KCNIP4: variants seen among roughly 807,000 people sequenced by gnomAD.
KCNIP4 encodes potassium voltage-gated channel interacting protein 4, also known as Kv channel-interacting protein 4.
KCNIP4 carries 12 observed loss-of-function variants against 34.0 expected under a neutral mutation model. The ratio of observed to expected loss-of-function variants is 0.35; its 90% CI spans 0.23 to 0.57. KCNIP4 has a LOEUF of 0.57. Ranked by LOEUF, KCNIP4 falls within the 20% of genes least tolerant of loss-of-function variation. The pLI is 0.83. For synonymous variants in KCNIP4, 124 were observed against 102.2 expected, an observed-to-expected ratio of 1.21 and a Z score of -1.29; for missense variants, 238 against 311.7, an observed-to-expected ratio of 0.76 and a Z score of 1.78.
chr4:21,312,437 G>T (rs1359326981), intron 1 of KCNIP4, among the ~76,000 whole-genome samples: 1 of 152,020 alleles, frequency 6.6e-6, no homozygotes, highest in African/African-American at 2.4e-5. Context: ...GACTTCTCTG[G>T]ACCACACTGT....
chr4:21,209,161 T>G (rs1757055656), intron 1 of KCNIP4, among the ~76,000 whole-genome samples: 1 of 152,208 alleles, frequency 6.6e-6, no homozygotes, highest in Admixed American at 6.5e-5. Flanking sequence ...TACATATTTA[T>G]AGGGTACATA....
intron 1 of KCNIP4, among the ~76,000 whole-genome samples, chr4:21,090,526 A>G (rs1299189619): frequency 1.3e-5 from 2 of 152,234 alleles, no homozygotes; most frequent in Admixed American, 1.3e-4. Context: ...GACTGTTTAA[A>G]AACAATTCAC....
chr4:21,370,556 AAAG>A (rs1342629598), intron 1 of KCNIP4, among the ~76,000 whole-genome samples: 1 of 144,360 alleles, frequency 6.9e-6, no homozygotes, highest in Admixed American at 6.7e-5. Flanking sequence ...TGAGAAAAAA[AAAG>A]AAGCAGAGAA....
At chr4:21,578,841 C>T (rs1389743379) in intron 1 of KCNIP4, among the ~76,000 whole-genome samples, 1 of 152,174 alleles carries the variant, frequency 6.6e-6, no homozygotes, top group African/African-American at 2.4e-5. Flanking sequence ...CAGGGGCAGT[C>T]CTTCTCTGTG....
intron 1 of KCNIP4, among the ~76,000 whole-genome samples, chr4:20,911,698 T>G (rs1346587352): frequency 6.6e-6 from 1 of 152,208 alleles, no homozygotes; most frequent in Non-Finnish European, 1.5e-5. Context: ...CTGTTATAAA[T>G]AAGTCAGTGT....
At chr4:21,363,740 T>C (rs569386754) in intron 1 of KCNIP4, among the ~76,000 whole-genome samples, 4 of 152,294 alleles carry the variant, frequency 2.6e-5, no homozygotes, top group Middle Eastern at 3.4e-3. Flanking sequence ...CAAAGCTTGA[T>C]ATCATTCCTG....
intron 1 of KCNIP4, among the ~76,000 whole-genome samples, chr4:21,516,513 G>C (rs559781440): frequency 6.6e-6 from 1 of 152,088 alleles, no homozygotes; most frequent in South Asian, 2.1e-4. Context: ...AAACTAAATT[G>C]GTTGTTGACA....
chr4:21,385,412 A>G (rs1359990683), intron 1 of KCNIP4, among the ~76,000 whole-genome samples: 1 of 152,150 alleles, frequency 6.6e-6, no homozygotes, highest in Non-Finnish European at 1.5e-5. Flanking sequence ...TACAAAGATG[A>G]AGAGTATATA....
intron 1 of KCNIP4, among the ~76,000 whole-genome samples, chr4:21,097,665 A>T (rs938725654): frequency 1.3e-5 from 2 of 152,090 alleles, no homozygotes; most frequent in Non-Finnish European, 2.9e-5. Context: ...CTTAATAATA[A>T]ATGTGTGTGT....
At chr4:21,830,781 A>G (rs1364095648) in intron 1 of KCNIP4, among the ~76,000 whole-genome samples, 1 of 152,152 alleles carries the variant, frequency 6.6e-6, no homozygotes, top group Non-Finnish European at 1.5e-5. Context: ...AAACATCCAA[A>G]TTAAAGTATA....
chr4:21,762,429 G>A (rs1718121653), intron 1 of KCNIP4, among the ~76,000 whole-genome samples: 1 of 151,968 alleles, frequency 6.6e-6, no homozygotes. Flanking sequence ...TTCTCATTAT[G>A]TTTTTCCCAT....
intron 1 of KCNIP4, among the ~76,000 whole-genome samples, chr4:21,213,363 G>A (rs1217387117): frequency 1.3e-5 from 2 of 152,004 alleles, no homozygotes; most frequent in African/African-American, 4.8e-5. Flanking sequence ...GTGCAGTGGT[G>A]TGATCTTGGC....
intron 1 of KCNIP4, among the ~76,000 whole-genome samples, chr4:21,799,975 A>G (rs2109250893): frequency 6.6e-6 from 1 of 152,304 alleles, no homozygotes; most frequent in East Asian, 1.9e-4. Context: ...AATTTCTACC[A>G]TGGAGCCCAC....
At chr4:21,308,282 C>G (rs1283510861) in intron 1 of KCNIP4, among the ~76,000 whole-genome samples, 1 of 152,162 alleles carries the variant, frequency 6.6e-6, no homozygotes, top group Non-Finnish European at 1.5e-5. Flanking sequence ...AATATCCCTC[C>G]TTCAGGGAAG....
chr4:20,850,257 A>G (rs763207353), intron 3 of KCNIP4: 23 of 212,390 alleles, frequency 1.1e-4, no homozygotes, highest in Non-Finnish European at 1.5e-4. Flanking sequence ...TAATGAAATT[A>G]TGTCATTATA....
chr4:20,848,359 A>T (rs952350725), intron 3 of KCNIP4, among the ~76,000 whole-genome samples: 1 of 151,940 alleles, frequency 6.6e-6, no homozygotes, highest in African/African-American at 2.4e-5. Flanking sequence ...GAAGAGGTGA[A>T]AAAAAGGAAA....
chr4:21,016,930 C>T (rs1739596901), intron 1 of KCNIP4, among the ~76,000 whole-genome samples: 1 of 152,240 alleles, frequency 6.6e-6, no homozygotes, highest in South Asian at 2.1e-4. Flanking sequence ...AAAATGGTGC[C>T]TTCCAGAGGC....
intron 1 of KCNIP4, among the ~76,000 whole-genome samples, chr4:21,586,198 G>T (rs1249284915): frequency 1.3e-5 from 2 of 152,104 alleles, no homozygotes; most frequent in Non-Finnish European, 2.9e-5. Flanking sequence ...TTCATTTATA[G>T]CACATTTCCA....
chr4:20,912,386 G>T (rs1021456411), intron 1 of KCNIP4, among the ~76,000 whole-genome samples: 6 of 152,042 alleles, frequency 3.9e-5, no homozygotes, highest in African/African-American at 1.2e-4. Flanking sequence ...ATTTCTATGT[G>T]CTTGCAATGA....
Sources: allele counts gnomAD v4.1 joint callset (sites outside exome capture counted in the v4.1 genomes callset), GRCh38; gene constraint gnomAD v4.1.1; transcripts MANE v1.5; gene names NCBI Gene and HGNC (gene_info 2026-07-23, HGNC 2026-07-21).